The following ZMYND11 variants were observed in gnomAD, a reference collection of about 807,000 sequenced individuals.
ZMYND11 encodes zinc finger MYND-type containing 11.
Under a neutral mutation model 84.9 loss-of-function variants are expected in ZMYND11, and 9 were observed. That is an observed-to-expected ratio of 0.11 (90% confidence interval 0.06 to 0.18). The LOEUF (loss-of-function observed/expected upper bound fraction) is 0.18, where lower values mean the gene tolerates loss of function less well. Among genes scored for constraint, ZMYND11 ranks in the 10% least tolerant of loss-of-function variants. The pLI is 1.00. For missense variants in ZMYND11, 409 were observed against 761.0 expected (o/e 0.54, Z 5.44); for synonymous variants, 250 against 244.1 (o/e 1.02, Z -0.23).
intron 1 of ZMYND11, among the ~76,000 whole-genome samples, chr10:141,616 A>G (rs1249245371): frequency 6.6e-6 from 1 of 152,222 alleles, no homozygotes; most frequent in African/African-American, 2.4e-5. Context: ...AGGGTTTTTA[A>G]AGCAACTTTA....
At chr10:157,805 C>G (rs1326498167) in intron 1 of ZMYND11, among the ~76,000 whole-genome samples, 3 of 152,156 alleles carry the variant, frequency 2.0e-5, no homozygotes, top group Admixed American at 1.3e-4. Flanking sequence ...GTAGCCGTTA[C>G]CACCGTCTAA....
chr10:188,916 G>A (rs1301698517), intron 2 of ZMYND11, among the ~76,000 whole-genome samples: 1 of 152,172 alleles, frequency 6.6e-6, no homozygotes, highest in Admixed American at 6.5e-5. Context: ...TGGACTACTA[G>A]AAAAAGCAAT....
intron 1 of ZMYND11, among the ~76,000 whole-genome samples, chr10:169,777 G>A (rs549283998): frequency 6.6e-6 from 1 of 152,110 alleles, no homozygotes; most frequent in Admixed American, 6.6e-5. Flanking sequence ...AAAACCAATC[G>A]ACAACAGAAT....
chr10:233,997 CCTTT>C (rs1949464167), intron 4 of ZMYND11, among the ~76,000 whole-genome samples: 1 of 152,164 alleles, frequency 6.6e-6, no homozygotes, highest in African/African-American at 2.4e-5. Context: ...TGAATATAGA[CCTTT>C]ATTTAAACTG....
intron 1 of ZMYND11, among the ~76,000 whole-genome samples, chr10:174,890 A>G (rs1554766566): frequency 7.4e-6 from 1 of 135,262 alleles, no homozygotes; most frequent in African/African-American, 2.8e-5. Flanking sequence ...TCATTCATAC[A>G]TTGGTCAGAA....
chr10:217,871 A>G (rs568890920), intron 3 of ZMYND11, among the ~76,000 whole-genome samples: 36 of 152,340 alleles, frequency 2.4e-4, no homozygotes, highest in East Asian at 1.5e-3. Flanking sequence ...ATTTGAATCA[A>G]TCGAGCTCCA....
In ZMYND11 at chr10:180,071, C is replaced by T; in HGVS notation, c.59C>T (p.Ala20Val). Residue 20 changes from alanine (A) to valine (V), a missense_variant, in exon 2 of 15, where the codon GCA becomes GTA. This residue lies in a region of ZMYND11 where 73 missense variants were observed against 185.8 expected (regional missense o/e 0.39). Transcript: ENST00000381604. ...ACAAAAGCTATCCAGCATCTTTGGGCAGCCATTGAGATTATACGGAACCAG... is the reference window on the plus strand; with the variant it reads ...ACAAAAGCTATCCAGCATCTTTGGGTAGCCATTGAGATTATACGGAACCAG... ...ADTKAIQHLWAAIEIIRNQKQ... is the reference protein window; with the variant it reads ...ADTKAIQHLWVAIEIIRNQKQ... 1 of 1,613,654 alleles carries T rather than the reference C, an allele frequency of 6.2e-7. No homozygotes were observed. The highest frequency in any genetic ancestry group is 8.5e-7 in the Non-Finnish European group (1 of 1,179,732).
rs181271453 is a variant in ZMYND11 at position 176,389 on chromosome 10, T to C, written c.-19-3605T>C. On this transcript the variant is annotated intron_variant, in intron 1 of 14. Coordinates refer to ENST00000381604, the MANE Select transcript of ZMYND11 (RefSeq NM_001370100.5). The stretch of plus-strand genomic sequence containing the variant: ...GAACAAAGATTGAAGACTGTATTAA[T>C]GATCTCTACAAAGAGTCTTCTGTTC... 3.0e-3 allele frequency among the ~76,000 whole-genome samples: 459 copies of C among 152,310 alleles called. No individual in the cohort carries two copies. The Middle Eastern group carries it at 0.031, about 10-fold the overall frequency.
intron 2 of ZMYND11, among the ~76,000 whole-genome samples, chr10:194,452 G>A (rs1471575311): frequency 2.6e-5 from 4 of 152,194 alleles, no homozygotes; most frequent in Admixed American, 6.5e-5. Flanking sequence ...GAGTGGAATT[G>A]CTAGGCTATG....
intron 1 of ZMYND11, among the ~76,000 whole-genome samples, chr10:158,987 TTTTG>T (rs1188847957): frequency 3.7e-5 from 5 of 134,328 alleles, no homozygotes; most frequent in East Asian, 2.1e-4. Context: ...GTTTTTTGTT[TTTTG>T]TTTTTTTTTT....
At chr10:145,671 G>A (rs1412876200) in intron 1 of ZMYND11, among the ~76,000 whole-genome samples, 1 of 152,050 alleles carries the variant, frequency 6.6e-6, no homozygotes, top group Non-Finnish European at 1.5e-5. Context: ...TTTCTTACGT[G>A]TTTGTTGGTT....
At chr10:177,785 G>A (rs1554767253) in intron 1 of ZMYND11, among the ~76,000 whole-genome samples, 1 of 151,836 alleles carries the variant, frequency 6.6e-6, no homozygotes, top group South Asian at 2.1e-4. Context: ...TTATTCTTCA[G>A]TGTTTGCTCT....
At chr10:249,733 G>A (rs769104931) in intron 14 of ZMYND11, 6 of 985,228 alleles carry the variant, frequency 6.1e-6, no homozygotes, top group East Asian at 1.1e-4. Context: ...TTTTGCTCCC[G>A]AAAGCTCATA....
chr10:178,387 C>A (rs930340726), intron 1 of ZMYND11, among the ~76,000 whole-genome samples: 2 of 152,162 alleles, frequency 1.3e-5, no homozygotes, highest in African/African-American at 4.8e-5. Flanking sequence ...TATATAATCT[C>A]ACAGGATTGA....
chr10:132,852 C>T (rs143603761), upstream of ZMYND11, among the ~76,000 whole-genome samples: 47 of 152,242 alleles, frequency 3.1e-4, no homozygotes, highest in African/African-American at 1.1e-3. Context: ...CCCGACAGCT[C>T]TGAGAAGCCC....
At chr10:151,543 C>G (rs1294849911) in intron 1 of ZMYND11, among the ~76,000 whole-genome samples, 1 of 152,172 alleles carries the variant, frequency 6.6e-6, no homozygotes, top group East Asian at 1.9e-4. Context: ...TGAGCAAAGT[C>G]TTCGAGAAAT....
intron 9 of ZMYND11, among the ~76,000 whole-genome samples, chr10:241,537 A>T (rs1950929862): frequency 6.6e-6 from 1 of 152,228 alleles, no homozygotes. Flanking sequence ...CAAGAGACCT[A>T]AGGCTTTGCC....
At chr10:234,965 C>A (rs1301592723) in intron 4 of ZMYND11, among the ~76,000 whole-genome samples, 1 of 146,476 alleles carries the variant, frequency 6.8e-6, no homozygotes, top group Non-Finnish European at 1.5e-5. Context: ...CAAGAGGTGC[C>A]CGCTAGTATT....
intron 7 of ZMYND11, 69 bp downstream of exon 7, chr10:239,594 C>A: frequency 9.2e-7 from 1 of 1,088,446 alleles, no homozygotes; most frequent in Non-Finnish European, 1.4e-6. Flanking sequence ...TGAACACTAT[C>A]TTTTATAAAA....
Sources: allele counts gnomAD v4.1 joint callset (sites outside exome capture counted in the v4.1 genomes callset), GRCh38; gene constraint gnomAD v4.1.1; regional missense constraint gnomAD v4.1.1; transcripts MANE v1.5; gene names NCBI Gene and HGNC (gene_info 2026-07-23, HGNC 2026-07-21).